EML4: variants seen among roughly 807,000 people sequenced by gnomAD.
The protein encoded by EML4 is echinoderm microtubule-associated protein-like 4.
A neutral mutation model predicts 129.0 loss-of-function variants in EML4; 72 were observed. The observed-to-expected ratio is 0.56, with a 90% CI of 0.46 to 0.68. The LOEUF is 0.68. Ranked by LOEUF, EML4 falls within the 30% of genes least tolerant of loss-of-function variation. EML4 has a pLI of 0.00. For missense variants in EML4, 1,363 were observed against 1,190.6 expected (o/e 1.14, Z -2.13); for synonymous variants, 532 against 405.0 (o/e 1.31, Z -3.77).
intron 19 of EML4, among the ~76,000 whole-genome samples, chr2:42,323,781 A>AAAC (rs1669644282): frequency 6.6e-6 from 1 of 150,608 alleles, no homozygotes; most frequent in South Asian, 2.1e-4. Context: ...CAAAAAAAAA[A>AAAC]AAACAAACAA....
chr2:42,175,226 C>T (rs1202236895), intron 1 of EML4, among the ~76,000 whole-genome samples: 1 of 151,666 alleles, frequency 6.6e-6, no homozygotes, highest in African/African-American at 2.4e-5. Flanking sequence ...TATTCTCCTG[C>T]CTCAAGCCTC....
chr2:42,284,335 A>C (rs1314199088), intron 8 of EML4, among the ~76,000 whole-genome samples: 1 of 152,238 alleles, frequency 6.6e-6, no homozygotes, highest in South Asian at 2.1e-4. Context: ...TTTGTATGCC[A>C]TTGTGCGTGG....
chr2:42,224,553 C>T (rs1292366729), intron 1 of EML4, among the ~76,000 whole-genome samples: 2 of 152,064 alleles, frequency 1.3e-5, no homozygotes, highest in East Asian at 1.9e-4. Context: ...CTTTATTTCT[C>T]TTAGGTGTAT....
chr2:42,282,129 C>G (rs984220339), intron 7 of EML4, among the ~76,000 whole-genome samples: 3 of 151,932 alleles, frequency 2.0e-5, no homozygotes, highest in Non-Finnish European at 4.4e-5. Flanking sequence ...TGGGCTTTCT[C>G]CTAGCAGTCT....
intron 13 of EML4, among the ~76,000 whole-genome samples, chr2:42,297,070 A>G (rs1456418918): frequency 6.6e-6 from 1 of 152,210 alleles, no homozygotes; most frequent in East Asian, 1.9e-4. Context: ...CTCCTATCTC[A>G]ATCATTGGCC....
intron 1 of EML4, among the ~76,000 whole-genome samples, chr2:42,216,967 T>C (rs888848432): frequency 1.3e-5 from 2 of 152,220 alleles, no homozygotes; most frequent in East Asian, 3.8e-4. Context: ...CTGGTTGATT[T>C]TGAAACTGCA....
At chr2:42,244,101 GT>G (rs147426155) in intron 1 of EML4, among the ~76,000 whole-genome samples, 11,068 of 81,020 alleles carry the variant, frequency 0.14, 366 homozygotes, top group South Asian at 0.19. Context: ...TTTGTTTTTT[GT>G]TTTTTTTTTT....
chr2:42,179,370 G>T (rs982213733), intron 1 of EML4, among the ~76,000 whole-genome samples: 1 of 151,772 alleles, frequency 6.6e-6, no homozygotes, highest in Non-Finnish European at 1.5e-5. Context: ...ATTTTAGACT[G>T]GATCTTGTAT....
chr2:42,191,987 A>G (rs1346270052), intron 1 of EML4, among the ~76,000 whole-genome samples: 2 of 151,986 alleles, frequency 1.3e-5, no homozygotes, highest in Non-Finnish European at 2.9e-5. Flanking sequence ...TAAAAATACA[A>G]AATTAACCAG....
In EML4 at chr2:42,286,414, A is replaced by G. The variant is rs148550927; in HGVS notation, c.1122+35A>G. On this transcript the variant is annotated intron_variant, in intron 10 of 22. Transcript: ENST00000318522. ...AATTTTTAGAGAAGTAAGCAAGCTG[A>G]ACAAAAAAGCAGGAAAGAAGTTAAG... 1,199 of 1,277,146 alleles carry G rather than the reference A, an allele frequency of 9.4e-4. 1 individual carries two copies. Among genetic ancestry groups the G allele is most frequent in the Non-Finnish European group, 1.3e-3 (1,107 of 872,526 alleles). The allele number at this position is 1,277,146 out of a possible 1,614,324, so 79.1% of individuals were successfully genotyped here.
chr2:42,282,208 G>C (rs17389422), intron 7 of EML4, among the ~76,000 whole-genome samples: 17,250 of 150,810 alleles, frequency 0.11, 1,040 homozygotes, highest in Middle Eastern at 0.22. Context: ...CAGAGGATAA[G>C]CTCTAGAGAC....
intron 17 of EML4, among the ~76,000 whole-genome samples, chr2:42,304,980 G>A (rs1558595494): frequency 6.6e-6 from 1 of 152,058 alleles, no homozygotes; most frequent in Admixed American, 6.5e-5. Flanking sequence ...TTAGCCAGGC[G>A]CAGTGGCACA....
intron 21 of EML4, among the ~76,000 whole-genome samples, chr2:42,326,891 T>TA: frequency 6.6e-6 from 1 of 152,072 alleles, no homozygotes; most frequent in Non-Finnish European, 1.5e-5. Flanking sequence ...CATAAATAAA[T>TA]AAAGTGTAAA....
At chr2:42,285,100 A>G (rs1386562954) in intron 9 of EML4, among the ~76,000 whole-genome samples, 1 of 151,842 alleles carries the variant, frequency 6.6e-6, no homozygotes, top group Admixed American at 6.6e-5. Context: ...ATAGGGGTGG[A>G]ATCTCACTTC....
At chr2:42,178,597 C>CAAAACAAGAAA (rs1670753335) in intron 1 of EML4, among the ~76,000 whole-genome samples, 1 of 152,040 alleles carries the variant, frequency 6.6e-6, no homozygotes, top group Non-Finnish European at 1.5e-5. Flanking sequence ...GAGTATCCCC[C>CAAAACAAGAAA]GTGTGGTGCC....
At chr2:42,258,502 G>T (rs780327370) in intron 3 of EML4, among the ~76,000 whole-genome samples, 1 of 152,142 alleles carries the variant, frequency 6.6e-6, no homozygotes, top group Non-Finnish European at 1.5e-5. Context: ...CCGTGTTCAA[G>T]AGATTCTCCT....
chr2:42,308,059 T>C (rs1228712039), intron 17 of EML4, among the ~76,000 whole-genome samples: 1 of 152,252 alleles, frequency 6.6e-6, no homozygotes, highest in Non-Finnish European at 1.5e-5. Flanking sequence ...CAGATCTAGA[T>C]ATCTTCTACT....
chr2:42,187,465 C>T (rs1357480392), intron 1 of EML4, among the ~76,000 whole-genome samples: 1 of 152,076 alleles, frequency 6.6e-6, no homozygotes, highest in African/African-American at 2.4e-5. Flanking sequence ...TTCACTAGTT[C>T]GTTCCTTTTC....
chr2:42,279,009 C>G (rs546281686), intron 6 of EML4, among the ~76,000 whole-genome samples: 1 of 152,044 alleles, frequency 6.6e-6, no homozygotes, highest in Non-Finnish European at 1.5e-5. Context: ...TGTCGCAGAT[C>G]TTATAAACAC....
Sources: gnomAD v4.1 joint callset for allele counts (sites outside exome capture counted in the v4.1 genomes callset) on GRCh38, gnomAD v4.1.1 for gene constraint, MANE v1.5 for transcripts, NCBI Gene and HGNC (gene_info 2026-07-23, HGNC 2026-07-21) for gene names.